TRPM3: variants seen among roughly 807,000 people sequenced by gnomAD.
TRPM3 encodes the protein long transient receptor potential channel 3.
TRPM3 carries 77 observed loss-of-function variants against 181.2 expected under a neutral mutation model. That is an observed-to-expected ratio of 0.42 (90% confidence interval 0.35 to 0.51). The LOEUF is 0.51. TRPM3 is among the 20% of genes least tolerant of loss of function. TRPM3 has a pLI of 0.01. For missense variants in TRPM3, 1,759 were observed against 2,196.7 expected (o/e 0.80, Z 3.98); for synonymous variants, 745 against 796.4 (o/e 0.94, Z 1.09).
chr9:71,023,842 A>T (rs2097866138), intron 1 of TRPM3, among the ~76,000 whole-genome samples: 1 of 152,230 alleles, frequency 6.6e-6, no homozygotes, highest in Non-Finnish European at 1.5e-5. Context: ...GGGAAGATGC[A>T]GGAGGGAGAG....
Position 70,891,948 on chromosome 9 carries a change from T to C in TRPM3, c.178-27437A>G, listed in dbSNP as rs12342996. Among the ~76,000 whole-genome samples, 703 of 152,286 alleles carry C rather than the reference T, an allele frequency of 4.6e-3. 2 individuals are homozygous for C. Among genetic ancestry groups the C allele is most frequent in the African/African-American group, 0.016 (659 of 41,556 alleles). On this transcript the variant is annotated intron_variant, in intron 1 of 25. Coordinates refer to ENST00000677713, the MANE Select transcript of TRPM3 (RefSeq NM_001366145.2). ...GCGCTTACCATATCCCAGAGTTTCA[T>C]TTTATTATATAAGAAAGTTTACTTC...
chr9:71,032,966 T>A (rs2057723350), intron 1 of TRPM3, among the ~76,000 whole-genome samples: 1 of 152,236 alleles, frequency 6.6e-6, no homozygotes, highest in African/African-American at 2.4e-5. Context: ...ACTCCCTGCT[T>A]TACTTAGTGC....
chr9:70,549,448 A>C lies in TRPM3; in HGVS notation c.3707+94T>G, dbSNP rs1408643843. The C allele has an allele frequency of 4.2e-6, 6 of 1,433,394 alleles. No individual in the cohort carries two copies. In the Admixed American group the frequency reaches 1.4e-4, roughly 34 times the overall value. 88.8% of individuals were successfully genotyped at this position (1,433,394 alleles called of 1,614,324 possible). A position where few individuals can be genotyped will look rare whatever the true frequency, so the allele number is the denominator to read the frequency against. The stretch of plus-strand genomic sequence containing the variant: ...CTCAGACAATAAAAACAAACACAAA[A>C]GATCTCTGTTTTGTGACCGTGTGAA... On this transcript the variant is annotated intron_variant, in intron 25 of 25. Coordinates refer to ENST00000677713, the MANE Select transcript of TRPM3 (RefSeq NM_001366145.2).
At chr9:70,613,155 C>CTTTA (rs1171847032) in intron 18 of TRPM3, among the ~76,000 whole-genome samples, 1 of 152,196 alleles carries the variant, frequency 6.6e-6, no homozygotes, top group Non-Finnish European at 1.5e-5. Context: ...GCATTTTTGA[C>CTTTA]ATTTCATTAA....
At position 70,921,942 on chromosome 9, in the gene TRPM3, A is replaced by AACACACACACACACACACAC. The variant is rs71367238; in HGVS notation, c.178-57451_178-57432dup. 2.3e-3 allele frequency among the ~76,000 whole-genome samples: 325 copies of AACACACACACACACACACAC among 139,480 alleles called. 2 individuals are homozygous for AACACACACACACACACACAC. Among genetic ancestry groups the AACACACACACACACACACAC allele is most frequent in the African/African-American group, 5.9e-3 (218 of 36,728 alleles). 91.5% of individuals were successfully genotyped at this position (139,480 alleles called of 152,430 possible). A position where few individuals can be genotyped will look rare whatever the true frequency, so the allele number is the denominator to read the frequency against. ...ATACACACACACACACACACAAACA[A>AACACACACACACACACACAC]ACACACACACACACACACACACACA... is the stretch of plus-strand genomic sequence containing the variant. On this transcript the variant is annotated intron_variant, in intron 1 of 25. Transcript: ENST00000677713.
chr9:70,771,432 C>CT (rs977084413), intron 7 of TRPM3, among the ~76,000 whole-genome samples: 2 of 151,864 alleles, frequency 1.3e-5, no homozygotes, highest in Non-Finnish European at 2.9e-5. Context: ...CATTCTTTTC[C>CT]TTCTTTCTTT....
Position 70,536,779 on chromosome 9 carries a change from G to A in TRPM3, c.4334C>T (p.Thr1445Ile). The A allele has an allele frequency of 2.5e-6, 4 of 1,614,194 alleles. No individual in the cohort carries two copies. In the Middle Eastern group the frequency reaches 4.9e-4, roughly 200 times the overall value. The change falls in exon 26 of 26, where the codon ACT (threonine) becomes ATT (isoleucine). Residue 1445 changes from threonine (T) to isoleucine (I), a missense_variant. Physicochemically the swap from Thr to Ile is moderately conservative, Grantham distance 89 (BLOSUM62 -1). Coordinates refer to ENST00000677713, the MANE Select transcript of TRPM3 (RefSeq NM_001366145.2). The stretch of plus-strand genomic sequence containing the variant: ...TGAAGGGGCTGTGGAAGGTACTGGA[G>A]TTGAAAAGCTTGGCTCGCCCAGCCC... ...ILGLGEPSFS[T>I]PVPSTAPSSS...
chr9:71,286,710 T>C (rs1217246870), intron 1 of TRPM3, among the ~76,000 whole-genome samples: 1 of 151,952 alleles, frequency 6.6e-6, no homozygotes, highest in Admixed American at 6.6e-5. Flanking sequence ...AATCACGTAT[T>C]AAATAACCTA....
intron 8 of TRPM3, among the ~76,000 whole-genome samples, chr9:70,750,755 G>T (rs563250266): frequency 4.9e-4 from 74 of 152,298 alleles, no homozygotes; most frequent in African/African-American, 1.7e-3. Flanking sequence ...AAACATTGTG[G>T]AGATGTAGGG....
intron 1 of TRPM3, among the ~76,000 whole-genome samples, chr9:71,347,196 G>A (rs957183912): frequency 1.2e-4 from 19 of 152,162 alleles, no homozygotes; most frequent in African/African-American, 3.6e-4. Flanking sequence ...GATCACCTAA[G>A]AATAATGTTG....
intron 1 of TRPM3, among the ~76,000 whole-genome samples, chr9:71,127,884 C>T (rs767073673): frequency 5.3e-5 from 8 of 152,256 alleles, no homozygotes; most frequent in South Asian, 4.1e-4. Flanking sequence ...AATAATATTA[C>T]CTTTGTCAAA....
At chr9:70,560,450 T>C (rs368667954) in intron 22 of TRPM3, among the ~76,000 whole-genome samples, 1 of 152,236 alleles carries the variant, frequency 6.6e-6, no homozygotes, top group African/African-American at 2.4e-5. Flanking sequence ...CCCTGTGCTA[T>C]GAGCTTTACG....
chr9:70,954,492 A>G (rs774234317), intron 1 of TRPM3, among the ~76,000 whole-genome samples: 4 of 152,160 alleles, frequency 2.6e-5, no homozygotes, highest in African/African-American at 9.7e-5. Context: ...TAGTATTAAC[A>G]TCAGTGATTT....
At chr9:70,574,522 C>A (rs1469838348) in intron 22 of TRPM3, among the ~76,000 whole-genome samples, 3 of 152,168 alleles carry the variant, frequency 2.0e-5, no homozygotes, top group African/African-American at 7.2e-5. Context: ...GTTTTCATAG[C>A]ACTCTGTATT....
chr9:71,121,433 G>A lies in TRPM3; in HGVS notation c.-79C>T, dbSNP rs2073627752. On this transcript the variant is annotated 5_prime_UTR_variant, in exon 1 of 26. An upstream open reading frame in the 5' UTR gains an earlier in-frame stop. Transcript: ENST00000677713. ...CTTGGAAGACTAGTCAAGTAGCCTT[G>A]CCTGAGCCCCTGAACCTTCTTAAAA... is the stretch of plus-strand genomic sequence containing the variant. 2 of 1,533,868 alleles carry A rather than the reference G, an allele frequency of 1.3e-6. No individual in the cohort carries two copies. Among genetic ancestry groups the A allele is most frequent in the East Asian group, 4.7e-5 (2 of 42,588 alleles).
intron 22 of TRPM3, among the ~76,000 whole-genome samples, chr9:70,556,404 G>A (rs2047717225): frequency 6.6e-6 from 1 of 151,946 alleles, no homozygotes; most frequent in Non-Finnish European, 1.5e-5. Context: ...TTAATTTAGT[G>A]GTTAGGAACA....
chr9:70,781,360 T>C (rs1345913001), intron 7 of TRPM3, among the ~76,000 whole-genome samples: 1 of 134,430 alleles, frequency 7.4e-6, no homozygotes, highest in East Asian at 2.1e-4. Flanking sequence ...GAAAACATGA[T>C]ATTTTTGACT....
At chr9:71,295,838 CAAAAA>C (rs11383819) in intron 1 of TRPM3, among the ~76,000 whole-genome samples, 3 of 86,648 alleles carry the variant, frequency 3.5e-5, no homozygotes, top group South Asian at 8.7e-4. Context: ...GATCCCGTCT[CAAAAA>C]AAAAAAAAAA....
At chr9:71,188,248 G>A (rs578070360) in intron 1 of TRPM3, among the ~76,000 whole-genome samples, 1 of 151,972 alleles carries the variant, frequency 6.6e-6, no homozygotes, top group East Asian at 1.9e-4. Context: ...CTGTGTTAGA[G>A]TGCATGCTCC....
Sources: allele counts gnomAD v4.1 joint callset (sites outside exome capture counted in the v4.1 genomes callset), GRCh38; gene constraint gnomAD v4.1.1; transcripts MANE v1.5; gene names NCBI Gene and HGNC (gene_info 2026-07-23, HGNC 2026-07-21).